The following POFUT3 variants were observed in gnomAD, a reference collection of about 807,000 sequenced individuals.
POFUT3 encodes the protein GDP-fucose protein O-fucosyltransferase 3.
chr8:33,364,056 A>C, the POFUT3 span, among the ~76,000 whole-genome samples: 3 of 152,212 alleles, frequency 2.0e-5, no homozygotes, highest in Admixed American at 2.0e-4. Flanking sequence ...GCAGCATATC[A>C]AAAAGCTTAT....
At chr8:33,355,757 G>C in the POFUT3 span, among the ~76,000 whole-genome samples, 2 of 151,850 alleles carry the variant, frequency 1.3e-5, no homozygotes, top group African/African-American at 4.8e-5. Context: ...TGCCATGCTG[G>C]TGTGCTGCAC....
the POFUT3 span, chr8:33,453,044 T>C: frequency 1.6e-5 from 10 of 626,330 alleles, no homozygotes; most frequent in Middle Eastern, 2.8e-4. Context: ...GGCTTGTTTC[T>C]TTTTTGTGTC....
the POFUT3 span, chr8:33,360,945 C>T: frequency 1.3e-5 from 2 of 152,172 alleles, no homozygotes; most frequent in African/African-American, 4.8e-5. Context: ...TTTTAGACCA[C>T]AGAAACAGGA....
chr8:33,443,379 G>A, the POFUT3 span, among the ~76,000 whole-genome samples: 2 of 152,244 alleles, frequency 1.3e-5, no homozygotes, highest in Admixed American at 6.5e-5. Context: ...CCCTACTCCC[G>A]ATTTTCACAG....
chr8:33,387,237 C>G, the POFUT3 span, among the ~76,000 whole-genome samples: 5 of 152,122 alleles, frequency 3.3e-5, no homozygotes, highest in South Asian at 1.0e-3. Context: ...TGGACCAAGA[C>G]AGTCAGCATA....
the POFUT3 span, among the ~76,000 whole-genome samples, chr8:33,449,241 G>A: frequency 6.6e-6 from 1 of 151,090 alleles, no homozygotes; most frequent in Non-Finnish European, 1.5e-5. Flanking sequence ...TGATGGAGAG[G>A]AATCAGGAAT....
chr8:33,416,445 C>T, the POFUT3 span, among the ~76,000 whole-genome samples: 13 of 151,728 alleles, frequency 8.6e-5, no homozygotes, highest in South Asian at 2.1e-4. Flanking sequence ...GATATGGTGG[C>T]GCACACCTGT....
the POFUT3 span, among the ~76,000 whole-genome samples, chr8:33,431,378 G>A: frequency 2.0e-5 from 3 of 150,830 alleles, no homozygotes; most frequent in African/African-American, 7.3e-5. Flanking sequence ...GAGACCCAGT[G>A]TCTACCAAAA....
At chr8:33,322,923 G>C in the POFUT3 span, among the ~76,000 whole-genome samples, 1 of 152,002 alleles carries the variant, frequency 6.6e-6, no homozygotes, top group East Asian at 1.9e-4. Flanking sequence ...TTCTGAGGTG[G>C]GTTTTCCCAA....
the POFUT3 span, among the ~76,000 whole-genome samples, chr8:33,390,361 C>T: frequency 1.3e-5 from 2 of 152,002 alleles, no homozygotes; most frequent in Non-Finnish European, 2.9e-5. Flanking sequence ...AAACAGGAGT[C>T]GTGTCTGGCC....
chr8:33,418,413 T>G, the POFUT3 span, among the ~76,000 whole-genome samples: 1 of 10,892 alleles, frequency 9.2e-5, no homozygotes, highest in Non-Finnish European at 1.6e-4. Flanking sequence ...AGGGAACTCT[T>G]TTTTTTTTTT....
the POFUT3 span, among the ~76,000 whole-genome samples, chr8:33,380,799 T>C: frequency 1.3e-5 from 2 of 148,732 alleles, no homozygotes; most frequent in African/African-American, 5.0e-5. Flanking sequence ...ATTGCACCAC[T>C]GCACTCCAGC....
the POFUT3 span, among the ~76,000 whole-genome samples, chr8:33,330,902 T>C: frequency 6.6e-6 from 1 of 152,198 alleles, no homozygotes; most frequent in Non-Finnish European, 1.5e-5. Flanking sequence ...CTTCCCAACC[T>C]GGTTGTGAAG....
At chr8:33,316,763 G>C in the POFUT3 span, among the ~76,000 whole-genome samples, 1 of 150,524 alleles carries the variant, frequency 6.6e-6, no homozygotes, top group African/African-American at 2.4e-5. Flanking sequence ...ACAAGGAAAG[G>C]AACAGCAAAA....
chr8:33,361,294 G>C, the POFUT3 span: 2 of 152,168 alleles, frequency 1.3e-5, no homozygotes, highest in African/African-American at 4.8e-5. Flanking sequence ...AGAAAAAAAT[G>C]CCTCCTCTCC....
the POFUT3 span, among the ~76,000 whole-genome samples, chr8:33,319,381 A>G: frequency 0.29 from 44 of 154 alleles, 3 homozygotes; most frequent in East Asian, 0.5. Flanking sequence ...TATATATTAT[A>G]GAAATATATT....
At chr8:33,314,397 C>A in the POFUT3 span, among the ~76,000 whole-genome samples, 1 of 152,164 alleles carries the variant, frequency 6.6e-6, no homozygotes, top group Non-Finnish European at 1.5e-5. Context: ...GACAAAACAT[C>A]AAAAAGGCAC....
At chr8:33,335,606 T>C in the POFUT3 span, among the ~76,000 whole-genome samples, 1 of 152,178 alleles carries the variant, frequency 6.6e-6, no homozygotes, top group Admixed American at 6.5e-5. Flanking sequence ...AACCTGGGCA[T>C]AGTTGAAAAT....
chr8:33,379,843 A>AAAAAAAATATATATATATAT, the POFUT3 span, among the ~76,000 whole-genome samples: 1 of 42,498 alleles, frequency 2.4e-5, no homozygotes, highest in African/African-American at 5.9e-5. Context: ...CTAAAAAAAA[A>AAAAAAAATATATATATATAT]AAAATATATA....
Sources: gnomAD v4.1 joint callset for allele counts (sites outside exome capture counted in the v4.1 genomes callset) on GRCh38, gnomAD v4.1.1 for gene constraint, MANE v1.5 for transcripts, NCBI Gene and HGNC (gene_info 2026-07-23, HGNC 2026-07-21) for gene names.